Variants in PCDH15 observed in about 807,000 individuals in gnomAD.
PCDH15 encodes the protein protocadherin related 15, also known as protocadherin-15.
In PCDH15, 129 loss-of-function variants were observed where a neutral mutation model predicts 178.5. That is an observed-to-expected ratio of 0.72 (90% CI 0.63 to 0.84). The LOEUF (loss-of-function observed/expected upper bound fraction) is 0.84, where lower values mean the gene tolerates loss of function less well. Among genes scored for constraint, PCDH15 ranks in the 40% least tolerant of loss-of-function variants. PCDH15 has a pLI of 0.00. For synonymous variants in PCDH15, 800 were observed against 732.0 expected, an observed-to-expected ratio of 1.09 and a Z score of -1.50; for missense variants, 2,230 against 2,099.9, an observed-to-expected ratio of 1.06 and a Z score of -1.21.
At chr10:54,876,886 G>T (rs902321080) in intron 3 of PCDH15, among the ~76,000 whole-genome samples, 1 of 152,132 alleles carries the variant, frequency 6.6e-6, no homozygotes, top group Non-Finnish European at 1.5e-5. Context: ...AGTTTGAGAG[G>T]ATTGACTAAT....
At chr10:54,900,095 T>C (rs1165564689) in intron 2 of PCDH15, among the ~76,000 whole-genome samples, 1 of 152,230 alleles carries the variant, frequency 6.6e-6, no homozygotes, top group Non-Finnish European at 1.5e-5. Flanking sequence ...TTAAATATTT[T>C]ACTTACTTAT....
intron 1 of PCDH15, among the ~76,000 whole-genome samples, chr10:55,187,030 T>C (rs1012918702): frequency 1.3e-4 from 20 of 151,946 alleles, no homozygotes; most frequent in Non-Finnish European, 2.9e-5. Context: ...GCACTTATTT[T>C]TTCTATATTT....
At chr10:53,821,448 T>C in intron 32 of PCDH15, 1 of 1,017,864 alleles carries the variant, frequency 9.8e-7, no homozygotes, top group Non-Finnish European at 1.2e-6. Flanking sequence ...TTTTAACTTA[T>C]TTGTAACAGT....
chr10:53,926,152 C>T (rs2084531832), intron 25 of PCDH15, among the ~76,000 whole-genome samples: 1 of 152,132 alleles, frequency 6.6e-6, no homozygotes, highest in South Asian at 2.1e-4. Context: ...TCTCACTGGC[C>T]CAATCCTAGT....
At chr10:54,944,849 CTT>C (rs1301899108) in intron 2 of PCDH15, among the ~76,000 whole-genome samples, 1 of 151,696 alleles carries the variant, frequency 6.6e-6, no homozygotes, top group Non-Finnish European at 1.5e-5. Context: ...CAAAAGGAAA[CTT>C]TGTTTACCTT....
intron 25 of PCDH15, among the ~76,000 whole-genome samples, chr10:53,919,296 G>A (rs775014546): frequency 1.3e-5 from 2 of 152,076 alleles, no homozygotes; most frequent in South Asian, 2.1e-4. Context: ...TGTAAAATTC[G>A]AAGGATCTAC....
intron 2 of PCDH15, among the ~76,000 whole-genome samples, chr10:55,449,895 C>A (rs762812474): frequency 7.0e-6 from 1 of 142,616 alleles, no homozygotes; most frequent in Non-Finnish European, 1.5e-5. Flanking sequence ...ACTTCCAACA[C>A]CCTCAAAATA....
chr10:54,762,187 T>C (rs1947958108), intron 1 of PCDH15, among the ~76,000 whole-genome samples: 1 of 96,350 alleles, frequency 1.0e-5, no homozygotes, highest in Admixed American at 1.3e-4. Context: ...CAGATTAAAA[T>C]TGTCATAGCT....
chr10:55,069,859 T>G (rs1186159642), intron 2 of PCDH15, among the ~76,000 whole-genome samples: 2 of 151,996 alleles, frequency 1.3e-5, no homozygotes, highest in East Asian at 3.9e-4. Flanking sequence ...CCACACTGAC[T>G]TCCACAATGG....
intron 3 of PCDH15, among the ~76,000 whole-genome samples, chr10:54,843,713 C>T (rs964656121): frequency 6.6e-6 from 1 of 151,852 alleles, no homozygotes; most frequent in Non-Finnish European, 1.5e-5. Context: ...CAAAACTAGT[C>T]AAAAGAGTTT....
At chr10:53,999,641 C>T (rs1292141350) in intron 20 of PCDH15, among the ~76,000 whole-genome samples, 4 of 152,124 alleles carry the variant, frequency 2.6e-5, no homozygotes, top group African/African-American at 9.7e-5. Flanking sequence ...TAAGGCTCCT[C>T]TGCTTGTGGA....
At chr10:53,898,983 T>C (rs1283671282) in intron 26 of PCDH15, among the ~76,000 whole-genome samples, 3 of 152,130 alleles carry the variant, frequency 2.0e-5, no homozygotes, top group Non-Finnish European at 4.4e-5. Context: ...ATTAACTCAG[T>C]GGTACAAACA....
At chr10:54,943,858 T>C (rs1333236171) in intron 2 of PCDH15, among the ~76,000 whole-genome samples, 1 of 137,264 alleles carries the variant, frequency 7.3e-6, no homozygotes, top group Admixed American at 7.1e-5. Context: ...AAGTTTTCCT[T>C]GGCTAGAAAA....
At chr10:53,973,351 T>C (rs1367322557) in intron 21 of PCDH15, among the ~76,000 whole-genome samples, 1 of 151,158 alleles carries the variant, frequency 6.6e-6, no homozygotes, top group Admixed American at 6.6e-5. Flanking sequence ...AATCTCGAGT[T>C]AATGGGTGCA....
chr10:53,826,624 G>A (rs993355425), intron 32 of PCDH15, among the ~76,000 whole-genome samples: 2 of 152,022 alleles, frequency 1.3e-5, no homozygotes, highest in Admixed American at 1.3e-4. Flanking sequence ...CTGACAAACT[G>A]AACATCACCA....
chr10:54,998,835 T>C (rs116009574), intron 2 of PCDH15, among the ~76,000 whole-genome samples: 1 of 152,260 alleles, frequency 6.6e-6, no homozygotes, highest in Non-Finnish European at 1.5e-5. Context: ...AAATGCATTG[T>C]GGTATTTTGT....
chr10:55,152,618 G>A (rs1241785443), intron 2 of PCDH15, among the ~76,000 whole-genome samples: 7 of 152,128 alleles, frequency 4.6e-5, no homozygotes. Context: ...TGATCTGAAA[G>A]CTAGAAGGAT....
chr10:55,616,519 C>CAA (rs34005780), intron 2 of PCDH15, among the ~76,000 whole-genome samples: 26,601 of 127,132 alleles, frequency 0.21, 2,580 homozygotes, highest in African/African-American at 0.28. Flanking sequence ...CTGAAATTAG[C>CAA]AAAAAAAAAA....
At chr10:55,436,489 T>G (rs1839043984) in intron 2 of PCDH15, among the ~76,000 whole-genome samples, 2 of 152,130 alleles carry the variant, frequency 1.3e-5, no homozygotes, top group African/African-American at 4.8e-5. Context: ...AGGTTTATTT[T>G]TGGCTTTTGT....
Sources: gnomAD v4.1 joint callset for allele counts (sites outside exome capture counted in the v4.1 genomes callset) on GRCh38, gnomAD v4.1.1 for gene constraint, MANE v1.5 for transcripts, NCBI Gene and HGNC (gene_info 2026-07-23, HGNC 2026-07-21) for gene names.